Variants in PPP1R12A observed in about 807,000 individuals in gnomAD.
The protein encoded by PPP1R12A is protein phosphatase 1 regulatory subunit 12A.
A neutral mutation model predicts 139.6 loss-of-function variants in PPP1R12A; 19 were observed. The ratio of observed to expected loss-of-function variants is 0.14; its 90% confidence interval spans 0.09 to 0.20. PPP1R12A has a LOEUF of 0.20. Ranked by LOEUF, PPP1R12A falls within the 10% of genes least tolerant of loss-of-function variation. PPP1R12A has a pLI of 1.00. For synonymous variants in PPP1R12A, 427 were observed against 420.6 expected (o/e 1.02, Z -0.19); for missense variants, 925 against 1,211.5 (o/e 0.76, Z 3.51).
intron 17 of PPP1R12A, among the ~76,000 whole-genome samples, chr12:79,796,052 G>C (rs913221672): frequency 6.6e-6 from 1 of 152,032 alleles, no homozygotes; most frequent in African/African-American, 2.4e-5. Flanking sequence ...CTCACACATA[G>C]AAGTTTAAAG....
intron 9 of PPP1R12A, among the ~76,000 whole-genome samples, chr12:79,814,426 G>A (rs1007472852): frequency 2.2e-4 from 30 of 134,938 alleles, no homozygotes; most frequent in Non-Finnish European, 3.4e-4. Flanking sequence ...GCAGTGAGCC[G>A]AGATCGTGCT....
chr12:79,791,964 A>G (rs1320194372), intron 19 of PPP1R12A, among the ~76,000 whole-genome samples: 1 of 152,126 alleles, frequency 6.6e-6, no homozygotes, highest in Non-Finnish European at 1.5e-5. Context: ...TTTAAGATTA[A>G]TTTTCCAAAG....
chr12:79,788,639 C>T lies in PPP1R12A; in HGVS notation c.2802+9G>A, dbSNP rs1028757195. ...CTTTTTATTAAATATAACTAAATAA[C>T]CCAAGTACCTTTTTAAAGTCAGTTG... On this transcript the variant is annotated intron_variant, in intron 21 of 24. Coordinates refer to ENST00000450142, the MANE Select transcript of PPP1R12A (RefSeq NM_002480.3). 8 of 1,603,178 alleles carry T rather than the reference C, an allele frequency of 5.0e-6. No homozygotes were observed. Among genetic ancestry groups the T allele is most frequent in the Non-Finnish European group, 6.8e-6 (8 of 1,175,806 alleles).
intron 14 of PPP1R12A, among the ~76,000 whole-genome samples, chr12:79,801,213 C>T (rs988587090): frequency 1.3e-5 from 2 of 150,794 alleles, no homozygotes; most frequent in Admixed American, 6.6e-5. Flanking sequence ...GGCGTGGTGG[C>T]GCATGCCTGT....
At chr12:79,794,853 A>G (rs923421590) in intron 18 of PPP1R12A, among the ~76,000 whole-genome samples, 1 of 152,126 alleles carries the variant, frequency 6.6e-6, no homozygotes, top group African/African-American at 2.4e-5. Context: ...TATCTTATAA[A>G]CATAACAGTT....
intron 9 of PPP1R12A, among the ~76,000 whole-genome samples, chr12:79,813,992 C>T (rs1485025951): frequency 6.6e-6 from 1 of 152,050 alleles, no homozygotes; most frequent in African/African-American, 2.4e-5. Context: ...AACCTAAAAA[C>T]AGATAATTGC....
rs1283849257 is a variant in PPP1R12A at position 79,774,628 on chromosome 12, T to C, written c.*1301A>G. On this transcript the variant is annotated 3_prime_UTR_variant, in exon 25 of 25. Coordinates refer to ENST00000450142, the MANE Select transcript of PPP1R12A (RefSeq NM_002480.3). ...CTATGTACTTGGTTTTGCGCTTTTT[T>C]TTCCTTAAAAAAAAAAAAAGGCCAC... The C allele has an allele frequency of 2.3e-5, 1 of 42,768 alleles. No individual in the cohort carries two copies. The highest frequency in any genetic ancestry group is 3.1e-4 in the Admixed American group (1 of 3,210). 2.6% of individuals were successfully genotyped at this position (42,768 alleles called of 1,614,324 possible).
At chr12:79,915,297 A>T (rs922050254) in intron 1 of PPP1R12A, among the ~76,000 whole-genome samples, 1 of 152,104 alleles carries the variant, frequency 6.6e-6, no homozygotes, top group Non-Finnish European at 1.5e-5. Flanking sequence ...TAGAAAAAGA[A>T]ATTGGAACAC....
At chr12:79,870,664 C>G (rs549989194) in intron 2 of PPP1R12A, among the ~76,000 whole-genome samples, 2 of 152,208 alleles carry the variant, frequency 1.3e-5, no homozygotes, top group African/African-American at 2.4e-5. Flanking sequence ...TCAACCTTGG[C>G]CAAAAAAGGT....
chr12:79,929,741 C>T lies in PPP1R12A; in HGVS notation c.237+4954G>A, dbSNP rs191619576. Among the ~76,000 whole-genome samples, 170 of 151,746 alleles carry T rather than the reference C, an allele frequency of 1.1e-3. 3 individuals are homozygous for T. In the East Asian group the frequency reaches 0.025, roughly 22 times the overall value. On this transcript the variant is annotated intron_variant, in intron 1 of 24. Transcript: ENST00000450142. ...CCAAGATTACACCACTGCACTCCAG[C>T]CTGGGTGACAGAATGAGACTCCATC...
At chr12:79,935,375 G>T, upstream of PPP1R12A, 1 of 998,594 alleles carries the variant, frequency 1.0e-6, no homozygotes, top group Non-Finnish European at 1.2e-6. Flanking sequence ...AAGCGGGGAA[G>T]GAAGGTTGTC....
intron 14 of PPP1R12A, among the ~76,000 whole-genome samples, chr12:79,803,438 A>G (rs1873442252): frequency 6.6e-6 from 1 of 152,100 alleles, no homozygotes; most frequent in South Asian, 2.1e-4. Flanking sequence ...TCTTAGAACT[A>G]TATAGGGTAT....
At chr12:79,862,462 A>C (rs1318283587) in intron 2 of PPP1R12A, among the ~76,000 whole-genome samples, 1 of 152,236 alleles carries the variant, frequency 6.6e-6, no homozygotes, top group Non-Finnish European at 1.5e-5. Context: ...TGGGCAGAGA[A>C]TGAGTTCGAC....
In PPP1R12A at chr12:79,806,249, A is replaced by C; in HGVS notation, c.1740T>G (p.Ala580=). ...TTSTPTVTSA[A]GLQKSLLSST... ...TGGAAAGCAGGCTTTTCTGAAGCCC[A>C]GCTGCAGAGGTAACTGTTGGTGTTG... The change falls in exon 13 of 25, where the codon GCT becomes GCG. Residue 580 remains alanine, a synonymous_variant. Coordinates refer to ENST00000450142, the MANE Select transcript of PPP1R12A (RefSeq NM_002480.3). 2 of 1,613,846 alleles carry C rather than the reference A, an allele frequency of 1.2e-6. No individual in the cohort carries two copies. The highest frequency in any genetic ancestry group is 2.2e-5 in the East Asian group (1 of 44,882).
At chr12:79,917,645 C>G (rs1887108995) in intron 1 of PPP1R12A, among the ~76,000 whole-genome samples, 1 of 151,674 alleles carries the variant, frequency 6.6e-6, no homozygotes, top group Non-Finnish European at 1.5e-5. Flanking sequence ...AATATTAAAA[C>G]ATGCAAAAAA....
intron 23 of PPP1R12A, chr12:79,779,675 C>T (rs1592599381): frequency 3.8e-6 from 1 of 265,474 alleles, no homozygotes; most frequent in East Asian, 8.3e-5. Context: ...AATACTAGCA[C>T]ATAAAGTGTC....
At chr12:79,805,066 G>A (rs968030999) in intron 14 of PPP1R12A, among the ~76,000 whole-genome samples, 2 of 152,150 alleles carry the variant, frequency 1.3e-5, no homozygotes, top group Non-Finnish European at 2.9e-5. Flanking sequence ...ATGTATCAGA[G>A]ATAAAATTAA....
chr12:79,841,919 T>G (rs190489327), intron 3 of PPP1R12A, among the ~76,000 whole-genome samples: 381 of 152,188 alleles, frequency 2.5e-3, no homozygotes, highest in Admixed American at 5.6e-3. Context: ...GCATTTCTTG[T>G]TTTTTTTAGG....
intron 3 of PPP1R12A, among the ~76,000 whole-genome samples, chr12:79,835,547 TTA>T (rs762208646): frequency 1.2e-3 from 177 of 152,320 alleles, no homozygotes; most frequent in Non-Finnish European, 2.2e-3. Context: ...AGTTCATAGC[TTA>T]TGTCTCACAC....
Sources: gnomAD v4.1 joint callset for allele counts (sites outside exome capture counted in the v4.1 genomes callset) on GRCh38, gnomAD v4.1.1 for gene constraint, MANE v1.5 for transcripts, NCBI Gene and HGNC (gene_info 2026-07-23, HGNC 2026-07-21) for gene names.